Variants in STYXL2 observed in about 807,000 individuals in gnomAD.
The protein encoded by STYXL2 is serine/threonine/tyrosine-interacting-like protein 2.
A neutral mutation model predicts 52.4 loss-of-function variants in STYXL2; 44 were observed. The observed-to-expected ratio is 0.84, with a 90% CI of 0.66 to 1.08. STYXL2 has a LOEUF of 1.08. Ranked by LOEUF, STYXL2 falls within the 50% of genes least tolerant of loss-of-function variation. The pLI is 0.00. For missense variants in STYXL2, 1,604 were observed against 1,471.7 expected (o/e 1.09, Z -1.47); for synonymous variants, 604 against 586.9 (o/e 1.03, Z -0.42).
chr1:167,115,073 C>G (rs1251493052), intron 3 of STYXL2, among the ~76,000 whole-genome samples: 1 of 152,202 alleles, frequency 6.6e-6, no homozygotes, highest in East Asian at 1.9e-4. Flanking sequence ...AACATTTTCT[C>G]TCTTTGAAAG....
chr1:167,119,726 T>C (rs1251683029), intron 5 of STYXL2, among the ~76,000 whole-genome samples: 3 of 151,918 alleles, frequency 2.0e-5, no homozygotes, highest in Admixed American at 2.0e-4. Flanking sequence ...TGTTACACTG[T>C]AAGAGGGGAC....
Position 167,113,747 on chromosome 1 carries a change from T to G in STYXL2, c.148T>G (p.Phe50Val), listed in dbSNP as rs772791693. The G allele has an allele frequency of 2.0e-5, 32 of 1,613,960 alleles. No homozygotes were observed. The highest frequency in any genetic ancestry group is 2.6e-5 in the Non-Finnish European group (31 of 1,179,964). ...MVSDAETESI[F>V]MEPIHLSSAI... Reference sequence around the variant, plus strand: ...CTCAGATGCAGAAACAGAAAGCATTTTCATGGAACCCATTCACCTCTCCTC... The same window carrying G: ...CTCAGATGCAGAAACAGAAAGCATTGTCATGGAACCCATTCACCTCTCCTC... Residue 50 changes from phenylalanine (F) to valine (V), a missense_variant, in exon 3 of 6, where the codon TTC (phenylalanine) becomes GTC (valine). Phe to Val is a conservative substitution (Grantham distance 50). Transcript: ENST00000361200.
At chr1:167,097,735 G>A (rs1667319026) in intron 2 of STYXL2, among the ~76,000 whole-genome samples, 1 of 151,806 alleles carries the variant, frequency 6.6e-6, no homozygotes, top group African/African-American at 2.4e-5. Flanking sequence ...TAGTAGGATG[G>A]TAGATTTAAG....
intron 2 of STYXL2, among the ~76,000 whole-genome samples, chr1:167,095,451 A>T (rs1667264175): frequency 6.6e-6 from 1 of 152,124 alleles, no homozygotes. Context: ...TTAAACTGGG[A>T]CATGTGCATG....
At chr1:167,107,313 G>A (rs890960620) in intron 2 of STYXL2, among the ~76,000 whole-genome samples, 2 of 152,324 alleles carry the variant, frequency 1.3e-5, no homozygotes, top group African/African-American at 2.4e-5. Context: ...ATTGGTCAGA[G>A]TAGTCACAGA....
rs754763255 is a variant in STYXL2 at position 167,119,513 on chromosome 1, A to T, written c.655+47A>T. The T allele has an allele frequency of 9.8e-5, 152 of 1,545,806 alleles. No homozygotes were observed. In the East Asian group the frequency reaches 3.3e-3, roughly 34 times the overall value. On this transcript the variant is annotated intron_variant, in intron 5 of 5. Transcript: ENST00000361200. Reference sequence around the variant, plus strand: ...AGGCTGCTGGAATTCCACGGGGGAAAAGTAATGTGGGGAATGTTATGAAAA... The same window carrying T: ...AGGCTGCTGGAATTCCACGGGGGAATAGTAATGTGGGGAATGTTATGAAAA...
At position 167,126,748 on chromosome 1, in the gene STYXL2, C is replaced by T. The variant is rs946643479; in HGVS notation, c.1617C>T (p.Asp539=). ...SFYNFCSRNK[D]KLTALERWKI... ...ACAACTTCTGCAGCAGGAACAAGGA[C>T]AAGCTCACTGCCCTGGAAAGATGGA... is the stretch of plus-strand genomic sequence containing the variant. The change falls in exon 6 of 6, where the codon GAC becomes GAT. Residue 539 remains aspartate (D), a synonymous_variant. Coordinates refer to ENST00000361200, the MANE Select transcript of STYXL2 (RefSeq NM_001080426.3). 3 of 1,614,068 alleles carry T rather than the reference C, an allele frequency of 1.9e-6. No homozygotes were observed. The African/African-American group carries it at 4.0e-5, about 22-fold the overall frequency.
chr1:167,117,377 G>A lies in STYXL2; in HGVS notation c.255G>A (p.Leu85=). The A allele has an allele frequency of 6.2e-7, 1 of 1,612,540 alleles. No individual in the cohort carries two copies. The highest frequency in any genetic ancestry group is 8.5e-7 in the Non-Finnish European group (1 of 1,179,396). The stretch of plus-strand genomic sequence containing the variant: ...CAGACGCAGAGTGTCCAGGCATGCT[G>A]GAGTCTGCTGAACAGCTGCTGGTGG... ...VRADAECPGM[L]ESAEQLLVED... Residue 85 remains leucine (L), a synonymous_variant, in exon 4 of 6, where the codon CTG becomes CTA. Coordinates refer to ENST00000361200, the MANE Select transcript of STYXL2 (RefSeq NM_001080426.3).
intron 3 of STYXL2, 51 bp from the exon 4 acceptor site, chr1:167,117,277 A>C: frequency 2.7e-6 from 4 of 1,462,510 alleles, no homozygotes; most frequent in Non-Finnish European, 3.7e-6. Flanking sequence ...GGAACAAGGA[A>C]GGCCATGATG....
intron 2 of STYXL2, among the ~76,000 whole-genome samples, chr1:167,103,275 A>G (rs1667439612): frequency 6.6e-6 from 1 of 152,216 alleles, no homozygotes. Context: ...AAAAAAGATT[A>G]CATTCCCAGG....
intron 5 of STYXL2, among the ~76,000 whole-genome samples, chr1:167,122,829 G>A (rs1020344708): frequency 6.6e-6 from 1 of 152,034 alleles, no homozygotes; most frequent in South Asian, 2.1e-4. Flanking sequence ...CTACTGCTCA[G>A]CTAATTTTTG....
rs1027134604 is a variant in STYXL2, at chr1:167,129,092, T to A, written c.*484T>A. ...TCAGTTCTGATTTTTTTTTTTTTAA[T>A]GTTTTGAGTCTCCATTAAAAATGGT... On this transcript the variant is annotated 3_prime_UTR_variant, in exon 6 of 6. Transcript: ENST00000361200. 6.5e-6 allele frequency: 1 copy of A among 153,424 alleles called. No homozygotes were observed. Among genetic ancestry groups the A allele is most frequent in the Non-Finnish European group, 1.4e-5 (1 of 69,208 alleles). The allele number at this position is 153,424 out of a possible 1,614,324, so 9.5% of individuals were successfully genotyped here. A position where few individuals can be genotyped will look rare whatever the true frequency, so the allele number is the denominator to read the frequency against.
rs753714291 is a variant in STYXL2 at position 167,128,231 on chromosome 1, G to C, written c.3100G>C (p.Glu1034Gln). The C allele has an allele frequency of 1.2e-6, 2 of 1,614,202 alleles. No individual in the cohort carries two copies. Among genetic ancestry groups the C allele is most frequent in the South Asian group, 2.2e-5 (2 of 91,086 alleles). ...GTACAACGAGACCTCAAGTTCCCGA[G>C]AGGAGAGCCCAGAGCCCTACTTCTT... ...STYNETSSSR[E>Q]ESPEPYFFRR... The change falls in exon 6 of 6, where the codon GAG becomes CAG. Residue 1034 changes from glutamate to glutamine, a missense_variant. Coordinates refer to ENST00000361200, the MANE Select transcript of STYXL2 (RefSeq NM_001080426.3).
intron 2 of STYXL2, among the ~76,000 whole-genome samples, chr1:167,106,749 G>A (rs531058424): frequency 2.0e-5 from 3 of 152,198 alleles, no homozygotes; most frequent in Non-Finnish European, 2.9e-5. Flanking sequence ...CTGTTATAGA[G>A]GCAAGGTTTG....
At chr1:167,109,173 G>A (rs1053318261) in intron 2 of STYXL2, among the ~76,000 whole-genome samples, 3 of 152,166 alleles carry the variant, frequency 2.0e-5, no homozygotes, top group Non-Finnish European at 4.4e-5. Context: ...GCAGAATGGG[G>A]ATGGGGGAAT....
At chr1:167,095,487 GA>G (rs1667265140) in intron 2 of STYXL2, among the ~76,000 whole-genome samples, 1 of 152,206 alleles carries the variant, frequency 6.6e-6, no homozygotes, top group South Asian at 2.1e-4. Flanking sequence ...AAGATGCCAA[GA>G]GGCATGAGGC....
Position 167,127,720 on chromosome 1 carries a change from C to T in STYXL2, c.2589C>T (p.Asn863=). The T allele has an allele frequency of 6.2e-7, 1 of 1,614,028 alleles. No homozygotes were observed. The highest frequency in any genetic ancestry group is 1.1e-5 in the South Asian group (1 of 91,058). Residue 863 remains asparagine, a synonymous_variant, in exon 6 of 6, where the codon AAC becomes AAT. Coordinates refer to ENST00000361200, the MANE Select transcript of STYXL2 (RefSeq NM_001080426.3). ...AAATGGAAAAGCTGGCCTCAGACAA[C>T]AAACGCAGCTCCCTCTTCAAGAAGA... ...EYKMEKLASD[N]KRSSLFKKKK...
Position 167,127,400 on chromosome 1 carries a change from G to A in STYXL2, c.2269G>A (p.Val757Ile). The change falls in exon 6 of 6, where the codon GTA becomes ATA. Residue 757 changes from valine to isoleucine, a missense_variant. By Grantham distance (29) the Val-to-Ile change is conservative (BLOSUM62 3). Transcript: ENST00000361200. ...ACCGTCTGTTGCAAGCATGAAGGCAGTACCAGCGGCTAGCTGCCTGGGGGA... is the reference window on the plus strand; with the variant it reads ...ACCGTCTGTTGCAAGCATGAAGGCAATACCAGCGGCTAGCTGCCTGGGGGA... ...RSPSVASMKA[V>I]PAASCLGDDQ... is the part of the protein sequence containing the mutation. The A allele has an allele frequency of 6.2e-7, 1 of 1,614,180 alleles. No individual in the cohort carries two copies. The highest frequency in any genetic ancestry group is 8.5e-7 in the Non-Finnish European group (1 of 1,180,024).
At chr1:167,113,928 T>A in intron 3 of STYXL2, 124 bp downstream of exon 3, 1 of 769,050 alleles carries the variant, frequency 1.3e-6, no homozygotes, top group Non-Finnish European at 2.3e-6. Context: ...GAAGAGCAGA[T>A]CTGCAGAAGG....
Sources: gnomAD v4.1 joint callset for allele counts (sites outside exome capture counted in the v4.1 genomes callset) on GRCh38, gnomAD v4.1.1 for gene constraint, MANE v1.5 for transcripts, NCBI Gene and HGNC (gene_info 2026-07-23, HGNC 2026-07-21) for gene names.